Variants in PCDHGB5 observed in about 807,000 individuals in gnomAD.
PCDHGB5 encodes protocadherin gamma subfamily B, 5.
In PCDHGB5, 48 loss-of-function variants were observed where a neutral mutation model predicts 62.9. The ratio of observed to expected loss-of-function variants is 0.76; its 90% CI spans 0.61 to 0.97. The LOEUF is 0.97. Ranked by LOEUF, PCDHGB5 falls within the 50% of genes least tolerant of loss-of-function variation. PCDHGB5 has a pLI of 0.00. For synonymous variants in PCDHGB5, 474 were observed against 511.2 expected, an observed-to-expected ratio of 0.93 and a Z score of 0.98; for missense variants, 1,118 against 1,198.6, an observed-to-expected ratio of 0.93 and a Z score of 0.99.
chr5:141,485,221 C>G lies in PCDHGB5; in HGVS notation c.2398-9586C>G. ...GGACAGAAATCTGGCGGTGGGCTACCCTTTTGTTCCTCTTTTACCACCTGG... is the reference window on the plus strand; with the variant it reads ...GGACAGAAATCTGGCGGTGGGCTACGCTTTTGTTCCTCTTTTACCACCTGG... On this transcript the variant is annotated intron_variant, in intron 1 of 3. Transcript: ENST00000617380. The surrounding 1 kb of genome is among the most constrained non-coding windows in gnomAD (Gnocchi z 5.7). The G allele has an allele frequency of 6.2e-7, 1 of 1,614,118 alleles. No individual in the cohort carries two copies. Among genetic ancestry groups the G allele is most frequent in the Non-Finnish European group, 8.5e-7 (1 of 1,180,010 alleles).
rs767197233 is a variant in PCDHGB5, at chr5:141,418,642, C to T, written c.2397+18118C>T. On this transcript the variant is annotated intron_variant, in intron 1 of 3. Coordinates refer to ENST00000617380, the MANE Select transcript of PCDHGB5 (RefSeq NM_018925.3). ...AAGACGTGCCTCCAGGCACCTCCAT[C>T]CTGAGAGTGAAGGCCACTGACCAGG... The T allele has an allele frequency of 2.3e-5, 37 of 1,614,028 alleles. No individual in the cohort carries two copies. In the South Asian group the frequency reaches 3.6e-4, roughly 16 times the overall value.
At chr5:141,421,483 A>C in intron 1 of PCDHGB5, 4 of 1,614,128 alleles carry the variant, frequency 2.5e-6, no homozygotes, top group Non-Finnish European at 3.4e-6. Context: ...CGGCAGCTTG[A>C]TCACGGCAGG....
chr5:141,437,591 G>T (rs1177672004), intron 1 of PCDHGB5, among the ~76,000 whole-genome samples: 5 of 152,170 alleles, frequency 3.3e-5, no homozygotes, highest in Non-Finnish European at 7.3e-5. Flanking sequence ...GAATTGGATA[G>T]TTCTGGTGTA....
intron 1 of PCDHGB5, among the ~76,000 whole-genome samples, chr5:141,451,985 A>G (rs1460304088): frequency 6.6e-6 from 1 of 152,202 alleles, no homozygotes; most frequent in Non-Finnish European, 1.5e-5. Context: ...TAGTTTGTTC[A>G]TTAGAAGCAA....
In PCDHGB5 at chr5:141,398,058, T is replaced by C. The variant is rs921277104; in HGVS notation, c.-70T>C. 3 of 1,525,504 alleles carry C rather than the reference T, an allele frequency of 2.0e-6. No individual in the cohort carries two copies. The highest frequency in any genetic ancestry group is 1.4e-5 in the African/African-American group (1 of 72,034). 94.5% of individuals were successfully genotyped at this position (1,525,504 alleles called of 1,614,324 possible). Reference sequence around the variant, plus strand: ...TAAAGCCCGTTCGGAGATCCAAAAATCTACAATACAGAGGTTATTTGTAAC... The same window carrying C: ...TAAAGCCCGTTCGGAGATCCAAAAACCTACAATACAGAGGTTATTTGTAAC... On this transcript the variant is annotated 5_prime_UTR_variant, in exon 1 of 4. Transcript: ENST00000617380.
intron 1 of PCDHGB5, among the ~76,000 whole-genome samples, chr5:141,466,436 G>A (rs181613158): frequency 1.3e-5 from 2 of 152,270 alleles, no homozygotes; most frequent in East Asian, 1.9e-4. Context: ...AAGCTGAACC[G>A]AGATGTCTAT....
chr5:141,462,552 T>G (rs966816379), intron 1 of PCDHGB5, among the ~76,000 whole-genome samples: 4 of 152,194 alleles, frequency 2.6e-5, no homozygotes, highest in African/African-American at 9.6e-5. Context: ...TCTTCTTCAG[T>G]GTTTACTGTA....
Position 141,476,656 on chromosome 5 carries a change from T to G in PCDHGB5, c.2398-18151T>G, listed in dbSNP as rs190269177. On this transcript the variant is annotated intron_variant, in intron 1 of 3. Transcript: ENST00000617380. The surrounding 1 kb of genome is among the most constrained non-coding windows in gnomAD (Gnocchi z 7.6). ...ATGAGCTGAGCCGAAATGAATACTTTGCGCTTCGCGTGCAGACGCGGGAGG... is the reference window on the plus strand; with the variant it reads ...ATGAGCTGAGCCGAAATGAATACTTGGCGCTTCGCGTGCAGACGCGGGAGG... The G allele has an allele frequency of 1.2e-6, 2 of 1,614,210 alleles. No individual in the cohort carries two copies. The highest frequency in any genetic ancestry group is 1.7e-6 in the Non-Finnish European group (2 of 1,180,044).
intron 1 of PCDHGB5, chr5:141,478,776 A>G (rs961079570): frequency 1.3e-6 from 2 of 1,488,690 alleles, no homozygotes; most frequent in East Asian, 2.5e-5. Flanking sequence ...TCATCTGTGG[A>G]CCTAATTCAC....
intron 1 of PCDHGB5, chr5:141,419,430 A>T: frequency 1.2e-6 from 2 of 1,613,318 alleles, no homozygotes; most frequent in Non-Finnish European, 1.7e-6. Flanking sequence ...GACCACGAGC[A>T]GCTGCGCACC....
intron 1 of PCDHGB5, chr5:141,422,094 T>C: frequency 1.2e-6 from 2 of 1,610,648 alleles, no homozygotes; most frequent in Non-Finnish European, 1.7e-6. Flanking sequence ...AAAGCAAGGC[T>C]TCTGAAATAT....
At chr5:141,426,779 T>G in intron 1 of PCDHGB5, 6 of 456,698 alleles carry the variant, frequency 1.3e-5, no homozygotes, top group Non-Finnish European at 1.8e-5. Context: ...GGCCTCACTC[T>G]CTCCAGAGTT....
intron 1 of PCDHGB5, chr5:141,423,206 C>A: frequency 6.2e-7 from 1 of 1,613,668 alleles, no homozygotes. Context: ...GCCACCGTCA[C>A]GCTCACCGTG....
chr5:141,431,607 A>G lies in PCDHGB5; in HGVS notation c.2397+31083A>G. ...GCGGAAGTGAGGTATTCCTTCCGGT[A>G]TGTGGACGACAAGGCGGCCCAAGTT... is the stretch of plus-strand genomic sequence containing the variant. On this transcript the variant is annotated intron_variant, in intron 1 of 3. Transcript: ENST00000617380. The surrounding 1 kb of genome is among the most constrained non-coding windows in gnomAD (Gnocchi z 4.8). 6.2e-7 allele frequency: 1 copy of G among 1,614,230 alleles called. No individual in the cohort carries two copies. Among genetic ancestry groups the G allele is most frequent in the Non-Finnish European group, 8.5e-7 (1 of 1,180,040 alleles).
chr5:141,461,480 G>A (rs1478939044), intron 1 of PCDHGB5, among the ~76,000 whole-genome samples: 1 of 151,970 alleles, frequency 6.6e-6, no homozygotes, highest in Non-Finnish European at 1.5e-5. Context: ...ACTTTTTAAT[G>A]GGATTGTGTT....
chr5:141,494,937 G>C (rs759078748), intron 2 of PCDHGB5, 72 bp downstream of exon 2: 1 of 1,612,276 alleles, frequency 6.2e-7, no homozygotes, highest in African/African-American at 1.3e-5. Flanking sequence ...GAGGAGATGG[G>C]GGAGGGCCCA....
chr5:141,420,047 G>T lies in PCDHGB5; in HGVS notation c.2397+19523G>T. ...TACTGCAGGAGACTGCTTTGAGTCA[G>T]TTCTCTGCTCCAAGTCCGGACCTGT... On this transcript the variant is annotated intron_variant, in intron 1 of 3. Coordinates refer to ENST00000617380, the MANE Select transcript of PCDHGB5 (RefSeq NM_018925.3). 3 of 1,614,076 alleles carry T rather than the reference G, an allele frequency of 1.9e-6. No individual in the cohort carries two copies. The South Asian group carries it at 3.3e-5, about 18-fold the overall frequency.
chr5:141,467,811 A>T (rs562932160), intron 1 of PCDHGB5, among the ~76,000 whole-genome samples: 1 of 152,164 alleles, frequency 6.6e-6, no homozygotes, highest in African/African-American at 2.4e-5. Flanking sequence ...GGCACATGCC[A>T]CCACACCAGG....
intron 1 of PCDHGB5, among the ~76,000 whole-genome samples, chr5:141,460,961 A>ATATG (rs1463306338): frequency 3.5e-5 from 5 of 144,556 alleles, no homozygotes; most frequent in African/African-American, 1.3e-4. Flanking sequence ...GTATATATAT[A>ATATG]TGTGTGTGTG....
Sources: allele counts gnomAD v4.1 joint callset (sites outside exome capture counted in the v4.1 genomes callset), GRCh38; gene constraint gnomAD v4.1.1; non-coding constraint Gnocchi (gnomAD v3.1); transcripts MANE v1.5; gene names NCBI Gene and HGNC (gene_info 2026-07-23, HGNC 2026-07-21).